The following CNTNAP5 variants were observed in gnomAD, a reference collection of about 807,000 sequenced individuals.
The protein encoded by CNTNAP5 is contactin-associated protein-like 5.
Under a neutral mutation model 150.2 loss-of-function variants are expected in CNTNAP5, and 72 were observed. The observed-to-expected ratio is 0.48, with a 90% confidence interval of 0.40 to 0.58. The LOEUF is 0.58. CNTNAP5 is among the 20% of genes least tolerant of loss of function. CNTNAP5 has a pLI of 0.00. For synonymous variants in CNTNAP5, 672 were observed against 619.8 expected, an observed-to-expected ratio of 1.08 and a Z score of -1.25; for missense variants, 1,636 against 1,626.2, an observed-to-expected ratio of 1.01 and a Z score of -0.10.
chr2:124,097,992 C>A (rs1275717428), intron 1 of CNTNAP5, among the ~76,000 whole-genome samples: 1 of 152,160 alleles, frequency 6.6e-6, no homozygotes, highest in Non-Finnish European at 1.5e-5. Context: ...GGCGCCACTG[C>A]ACTCCAGCCT....
chr2:124,583,414 G>A (rs537374507), intron 11 of CNTNAP5, among the ~76,000 whole-genome samples: 2 of 152,314 alleles, frequency 1.3e-5, no homozygotes, highest in Non-Finnish European at 2.9e-5. Context: ...GATCTTAAAA[G>A]TTTCTGTGGC....
chr2:124,605,611 T>A (rs1267802692), intron 11 of CNTNAP5, among the ~76,000 whole-genome samples: 1 of 151,862 alleles, frequency 6.6e-6, no homozygotes, highest in Non-Finnish European at 1.5e-5. Context: ...GGTCAGGAAT[T>A]TGAGACCAGC....
At chr2:124,269,564 G>A (rs1369443642) in intron 3 of CNTNAP5, among the ~76,000 whole-genome samples, 2 of 152,098 alleles carry the variant, frequency 1.3e-5, no homozygotes, top group Admixed American at 6.6e-5. Flanking sequence ...TAAGCACCAG[G>A]GAGAGGGATT....
intron 1 of CNTNAP5, among the ~76,000 whole-genome samples, chr2:124,033,576 G>A (rs538165656): frequency 6.6e-6 from 1 of 152,294 alleles, no homozygotes; most frequent in African/African-American, 2.4e-5. Flanking sequence ...CGATAAAAGG[G>A]TAAGAAGTCT....
rs769002728 is a variant in CNTNAP5 at position 124,772,790 on chromosome 2, C to T, written c.2534-9C>T. The stretch of plus-strand genomic sequence containing the variant: ...CCTCTATCCTTCCTGTTTTCCTTTC[C>T]GGTTTCAGCTCCTTCAGAGATCACC... On this transcript the variant is annotated splice_polypyrimidine_tract_variant and intron_variant, in intron 16 of 23. Coordinates refer to ENST00000682447, the MANE Select transcript of CNTNAP5 (RefSeq NM_001367498.1). 16 of 1,611,936 alleles carry T rather than the reference C, an allele frequency of 9.9e-6. No individual in the cohort carries two copies. Among genetic ancestry groups the T allele is most frequent in the South Asian group, 8.8e-5 (8 of 91,046 alleles).
intron 11 of CNTNAP5, among the ~76,000 whole-genome samples, chr2:124,586,531 C>T (rs1696541353): frequency 6.6e-6 from 1 of 152,042 alleles, no homozygotes; most frequent in African/African-American, 2.4e-5. Context: ...ACAATAATAT[C>T]CTCATCTTCA....
At chr2:124,442,224 C>T (rs566672562) in intron 5 of CNTNAP5, among the ~76,000 whole-genome samples, 1 of 152,226 alleles carries the variant, frequency 6.6e-6, no homozygotes, top group Admixed American at 6.5e-5. Flanking sequence ...AGCTCTGCTT[C>T]CCGCAGTGGA....
chr2:124,314,837 G>A (rs934056866), intron 3 of CNTNAP5, among the ~76,000 whole-genome samples: 1 of 152,048 alleles, frequency 6.6e-6, no homozygotes, highest in East Asian at 1.9e-4. Flanking sequence ...TTATGAGCAT[G>A]TTCTTATCTA....
chr2:124,577,657 T>C (rs1406596754), intron 11 of CNTNAP5, among the ~76,000 whole-genome samples: 3 of 152,098 alleles, frequency 2.0e-5, no homozygotes, highest in South Asian at 2.1e-4. Context: ...TGCAAGATTG[T>C]ACATGGTCAG....
At chr2:124,297,845 T>C (rs936080785) in intron 3 of CNTNAP5, among the ~76,000 whole-genome samples, 30 of 119,550 alleles carry the variant, frequency 2.5e-4, no homozygotes, top group African/African-American at 8.5e-4. Flanking sequence ...TTATTATTAT[T>C]ATTATTATTA....
At chr2:124,839,457 CT>C (rs1397037971) in intron 19 of CNTNAP5, among the ~76,000 whole-genome samples, 2 of 151,830 alleles carry the variant, frequency 1.3e-5, no homozygotes, top group East Asian at 3.9e-4. Flanking sequence ...CCCTTTCCCC[CT>C]CTCTCTTTAC....
chr2:124,567,331 A>G (rs1478108914), intron 11 of CNTNAP5, among the ~76,000 whole-genome samples: 1 of 152,156 alleles, frequency 6.6e-6, no homozygotes, highest in Non-Finnish European at 1.5e-5. Context: ...TCCTTACCTG[A>G]TGATACTTAA....
intron 19 of CNTNAP5, among the ~76,000 whole-genome samples, chr2:124,841,112 C>A (rs1682936538): frequency 6.6e-6 from 1 of 152,020 alleles, no homozygotes; most frequent in Non-Finnish European, 1.5e-5. Context: ...AAGTTGCCAC[C>A]TACCCCACTC....
intron 21 of CNTNAP5, among the ~76,000 whole-genome samples, chr2:124,885,814 A>G (rs1416881736): frequency 1.3e-5 from 2 of 152,110 alleles, no homozygotes; most frequent in Non-Finnish European, 2.9e-5. Context: ...TGTATGGTTG[A>G]ATAATATGTT....
At position 124,895,770 on chromosome 2, in the gene CNTNAP5, A is replaced by C. The variant is rs1305529001; in HGVS notation, c.3437-7112A>C. On this transcript the variant is annotated intron_variant, in intron 21 of 23. Transcript: ENST00000682447. ...CAATTATGAAGTTAGTGGAAGAATC[A>C]GAAGGGAAATCAACTGTTTTTAGTG... Among the ~76,000 whole-genome samples, 10 of 151,792 alleles carry C rather than the reference A, an allele frequency of 6.6e-5. No homozygotes were observed. In the East Asian group the frequency reaches 1.9e-3, roughly 29 times the overall value.
At chr2:124,214,012 A>G (rs1378053091) in intron 1 of CNTNAP5, among the ~76,000 whole-genome samples, 3 of 151,626 alleles carry the variant, frequency 2.0e-5, no homozygotes, top group Non-Finnish European at 4.4e-5. Context: ...GGTTTTGTGC[A>G]GAGTCACTTT....
intron 13 of CNTNAP5, among the ~76,000 whole-genome samples, chr2:124,722,715 G>T (rs952310841): frequency 1.3e-5 from 2 of 152,162 alleles, no homozygotes; most frequent in African/African-American, 4.8e-5. Flanking sequence ...CTCAGAAAAT[G>T]AATTGGAGGC....
intron 3 of CNTNAP5, among the ~76,000 whole-genome samples, chr2:124,386,800 ATGGAGT>A (rs1215685127): frequency 6.7e-6 from 1 of 150,124 alleles, no homozygotes; most frequent in Non-Finnish European, 1.5e-5. Context: ...CTCCTCTGCA[ATGGAGT>A]GGATGTTTGT....
intron 1 of CNTNAP5, among the ~76,000 whole-genome samples, chr2:124,126,295 C>A (rs1392174923): frequency 6.6e-6 from 1 of 152,180 alleles, no homozygotes; most frequent in Non-Finnish European, 1.5e-5. Flanking sequence ...TGCAAATAAA[C>A]TAGAAAATCT....
Sources: allele counts gnomAD v4.1 joint callset (sites outside exome capture counted in the v4.1 genomes callset), GRCh38; gene constraint gnomAD v4.1.1; transcripts MANE v1.5; gene names NCBI Gene and HGNC (gene_info 2026-07-23, HGNC 2026-07-21).